Variants in RIN3 observed in about 807,000 individuals in gnomAD.
RIN3 encodes Ras and Rab interactor 3, also known as RAB5 interacting protein 3.
RIN3 carries 54 observed loss-of-function variants against 76.3 expected under a neutral mutation model. That is an observed-to-expected ratio of 0.71 (90% confidence interval 0.57 to 0.89). The LOEUF is 0.89. Ranked by LOEUF, RIN3 falls within the 40% of genes least tolerant of loss-of-function variation. The pLI is 0.00. For synonymous variants in RIN3, 576 were observed against 564.0 expected (o/e 1.02, Z -0.30); for missense variants, 1,256 against 1,322.1 (o/e 0.95, Z 0.78).
chr14:92,585,178 A>AATTTTTTT (rs1884724858), intron 3 of RIN3, among the ~76,000 whole-genome samples: 8 of 151,896 alleles, frequency 5.3e-5, no homozygotes, highest in Admixed American at 5.2e-4. Context: ...GTGCCTGGGT[A>AATTTTTTT]ATTTTTTTAT....
chr14:92,651,824 G>A lies in RIN3; in HGVS notation c.775G>A (p.Ala259Thr), dbSNP rs1346840679. The change falls in exon 6 of 10, where the codon GCA becomes ACA. Residue 259 changes from alanine (A) to threonine (T), a missense_variant. Physicochemically the swap from Ala to Thr is moderately conservative, Grantham distance 58. Around this residue, in one of 3 missense-constraint regions of RIN3, gnomAD observed 610 missense variants for 626.4 expected, o/e 0.97. Transcript: ENST00000216487. The stretch of plus-strand genomic sequence containing the variant: ...CCAGCCACCTCTTGGAAATTGCCCT[G>A]CACGCCCTTTGCCGCCCACCTCTGA... Reference protein sequence around the residue: ...TDQPPLGNCPARPLPPTSDAT... With the variant: ...TDQPPLGNCPTRPLPPTSDAT... The A allele has an allele frequency of 6.2e-7, 1 of 1,612,780 alleles. No individual in the cohort carries two copies. Among genetic ancestry groups the A allele is most frequent in the Non-Finnish European group, 8.5e-7 (1 of 1,179,080 alleles).
At chr14:92,582,042 T>C (rs542926791) in intron 3 of RIN3, among the ~76,000 whole-genome samples, 1 of 152,276 alleles carries the variant, frequency 6.6e-6, no homozygotes, top group East Asian at 1.9e-4. Context: ...TGATCAGATA[T>C]CAAGGGGGAG....
In RIN3 at chr14:92,572,191, C is replaced by T. The variant is rs575141554; in HGVS notation, c.250-5169C>T. Among the ~76,000 whole-genome samples the T allele has an allele frequency of 2.6e-5, 4 of 152,342 alleles. No individual in the cohort carries two copies. In the South Asian group the frequency reaches 6.2e-4, roughly 24 times the overall value. ...CTTCTCCCCTGAGTCTCAGAGTGGGCTTCTTCCCCTGGGGTGGGCTGTCTG... is the reference window on the plus strand; with the variant it reads ...CTTCTCCCCTGAGTCTCAGAGTGGGTTTCTTCCCCTGGGGTGGGCTGTCTG... On this transcript the variant is annotated intron_variant, in intron 2 of 9. Coordinates refer to ENST00000216487, the MANE Select transcript of RIN3 (RefSeq NM_024832.5).
chr14:92,515,323 G>T (rs866977326), intron 1 of RIN3: 17 of 689,538 alleles, frequency 2.5e-5, no homozygotes, highest in Non-Finnish European at 4.2e-5. Context: ...GGGTGAAGCC[G>T]GAGAGGAGTT....
intron 3 of RIN3, among the ~76,000 whole-genome samples, chr14:92,583,434 C>T (rs1250562952): frequency 6.6e-6 from 1 of 152,256 alleles, no homozygotes; most frequent in Admixed American, 6.5e-5. Flanking sequence ...ACAAACAACC[C>T]TAACCCCAGT....
chr14:92,587,755 G>A lies in RIN3; in HGVS notation c.367+10278G>A, dbSNP rs142295059. Among the ~76,000 whole-genome samples, 601 of 152,274 alleles carry A rather than the reference G, an allele frequency of 3.9e-3. 6 individuals are homozygous for A. Among genetic ancestry groups the A allele is most frequent in the African/African-American group, 0.014 (587 of 41,532 alleles). On this transcript the variant is annotated intron_variant, in intron 3 of 9. Transcript: ENST00000216487. ...GTCAGGGGTCAGAGCCCAGGCCACA[G>A]TGCTTCCTGGGCTTCCTGTCACAGG...
chr14:92,657,704 G>T (rs542539844), intron 6 of RIN3, among the ~76,000 whole-genome samples: 1 of 152,186 alleles, frequency 6.6e-6, no homozygotes, highest in Non-Finnish European at 1.5e-5. Flanking sequence ...CTCTGCCTGC[G>T]GAGGCTCCAG....
intron 8 of RIN3, among the ~76,000 whole-genome samples, chr14:92,679,644 G>C (rs539965834): frequency 6.6e-6 from 1 of 152,316 alleles, no homozygotes; most frequent in East Asian, 1.9e-4. Flanking sequence ...CTGGCTTAGT[G>C]GGGTGGTGGT....
chr14:92,576,220 C>G (rs79348965), intron 2 of RIN3: 1 of 1,267,154 alleles, frequency 7.9e-7, no homozygotes, highest in East Asian at 5.6e-5. Flanking sequence ...TGAGACCTGC[C>G]AAGACTCAAA....
chr14:92,543,784 T>C (rs1368198183), intron 1 of RIN3, among the ~76,000 whole-genome samples: 1 of 152,070 alleles, frequency 6.6e-6, no homozygotes, highest in Non-Finnish European at 1.5e-5. Context: ...GATTTCACTA[T>C]GTTGGCCAGG....
chr14:92,582,877 C>T lies in RIN3; in HGVS notation c.367+5400C>T, dbSNP rs1053449918. Among the ~76,000 whole-genome samples, 12 of 152,260 alleles carry T rather than the reference C, an allele frequency of 7.9e-5. No homozygotes were observed. In the South Asian group the frequency reaches 1.5e-3, roughly 18 times the overall value. ...TTGTTTCTTTGCCGAGTTAATGTGCCGCTCCTGCCTCTTTGCTCTCTTCCT... is the reference window on the plus strand; with the variant it reads ...TTGTTTCTTTGCCGAGTTAATGTGCTGCTCCTGCCTCTTTGCTCTCTTCCT... On this transcript the variant is annotated intron_variant, in intron 3 of 9. Transcript: ENST00000216487.
intron 1 of RIN3, among the ~76,000 whole-genome samples, chr14:92,535,508 T>C (rs1896976105): frequency 6.6e-6 from 1 of 152,050 alleles, no homozygotes; most frequent in South Asian, 2.1e-4. Context: ...CAGTCCTTTC[T>C]TTTAAGATTG....
intron 5 of RIN3, 70 bp from the exon 6 acceptor site, chr14:92,651,512 A>ACCCCCCC: frequency 9.4e-6 from 7 of 741,948 alleles, no homozygotes; most frequent in Non-Finnish European, 1.2e-5. Context: ...CCGCCCACAG[A>ACCCCCCC]CCCCGCCCAG....
chr14:92,633,417 C>T (rs534071086), intron 4 of RIN3, among the ~76,000 whole-genome samples: 5 of 152,152 alleles, frequency 3.3e-5, no homozygotes, highest in East Asian at 1.9e-4. Flanking sequence ...GTGACTAAGC[C>T]GCCACCCTCC....
intron 3 of RIN3, among the ~76,000 whole-genome samples, chr14:92,613,445 C>T (rs1885824658): frequency 6.6e-6 from 1 of 152,196 alleles, no homozygotes; most frequent in Non-Finnish European, 1.5e-5. Context: ...TCTCTATCTC[C>T]TTGCCATAGA....
At position 92,659,411 on chromosome 14, in the gene RIN3, CT is replaced by C; in HGVS notation, c.2278del (p.Ser760ProfsTer51). On this transcript the variant is annotated frameshift_variant, in exon 7 of 10. Transcript: ENST00000216487. LOFTEE classifies it high-confidence loss of function. ...AGGCCTACTCACCTGAGAAGAAGAT[CT>C]CCATCCTGCTCAAGACCTGCAAACT... ...HKAYSPEKKI[S>X]ILLKTCKLIY... The C allele has an allele frequency of 6.2e-7, 1 of 1,613,430 alleles. No homozygotes were observed. The highest frequency in any genetic ancestry group is 8.5e-7 in the Non-Finnish European group (1 of 1,179,600).
intron 1 of RIN3, among the ~76,000 whole-genome samples, chr14:92,548,801 C>G (rs1897344636): frequency 6.6e-6 from 1 of 151,796 alleles, no homozygotes; most frequent in African/African-American, 2.4e-5. Flanking sequence ...GATCCTTTTT[C>G]CAAATAAGGT....
rs1030399114 is a variant in RIN3 at position 92,643,766 on chromosome 14, A to G, written c.532+2437A>G. Among the ~76,000 whole-genome samples, 1 of 152,170 alleles carries G rather than the reference A, an allele frequency of 6.6e-6. No homozygotes were observed. The highest frequency in any genetic ancestry group is 1.5e-5 in the Non-Finnish European group (1 of 68,016). On this transcript the variant is annotated intron_variant, in intron 5 of 9. Coordinates refer to ENST00000216487, the MANE Select transcript of RIN3 (RefSeq NM_024832.5). The surrounding 1 kb of genome is among the most constrained non-coding windows in gnomAD (Gnocchi z 4.8). ...AATATGGTGAAATCTCGTCTCTACT[A>G]AAAATATAAAAATTAAGTGGGCATA...
At chr14:92,634,997 T>C (rs1248865540) in intron 4 of RIN3, among the ~76,000 whole-genome samples, 2 of 152,274 alleles carry the variant, frequency 1.3e-5, no homozygotes, top group South Asian at 2.1e-4. Context: ...TAAATGGGTA[T>C]GGTGGCCCCA....
Sources: allele counts gnomAD v4.1 joint callset (sites outside exome capture counted in the v4.1 genomes callset), GRCh38; gene constraint gnomAD v4.1.1; regional missense constraint gnomAD v4.1.1; non-coding constraint Gnocchi (gnomAD v3.1); transcripts MANE v1.5; gene names NCBI Gene and HGNC (gene_info 2026-07-23, HGNC 2026-07-21).